CUL4A: variants seen among roughly 807,000 people sequenced by gnomAD.
The protein encoded by CUL4A is cullin 4A, also known as cullin-4A.
A neutral mutation model predicts 95.5 loss-of-function variants in CUL4A; 16 were observed. The ratio of observed to expected loss-of-function variants is 0.17; its 90% CI spans 0.11 to 0.25. CUL4A has a LOEUF of 0.25. Among genes scored for constraint, CUL4A ranks in the 10% least tolerant of loss-of-function variants. The pLI, the probability that CUL4A is intolerant of heterozygous loss-of-function variation, is 1.00. For synonymous variants in CUL4A, 380 were observed against 353.1 expected, an observed-to-expected ratio of 1.08 and a Z score of -0.85; for missense variants, 610 against 937.0, an observed-to-expected ratio of 0.65 and a Z score of 4.56.
At chr13:113,216,687 C>CA (rs2040706255) in intron 2 of CUL4A, among the ~76,000 whole-genome samples, 2 of 152,188 alleles carry the variant, frequency 1.3e-5, no homozygotes, top group South Asian at 2.1e-4. Context: ...TTCTAAATCT[C>CA]AAAGTATGAT....
chr13:113,249,276 A>G (rs1281457998), intron 15 of CUL4A, among the ~76,000 whole-genome samples: 1 of 150,598 alleles, frequency 6.6e-6, no homozygotes, highest in Non-Finnish European at 1.5e-5. Flanking sequence ...TATTCCATCC[A>G]TGCTGTACCA....
At chr13:113,256,925 C>CTTTTTTT (rs1491171316) in intron 18 of CUL4A, among the ~76,000 whole-genome samples, 3 of 37,272 alleles carry the variant, frequency 8.0e-5, no homozygotes, top group East Asian at 1.1e-3. Flanking sequence ...TTTTTTTTTT[C>CTTTTTTT]GTTTTTTTTT....
intron 3 of CUL4A, among the ~76,000 whole-genome samples, chr13:113,223,997 A>G (rs971474771): frequency 4.6e-5 from 7 of 152,106 alleles, no homozygotes; most frequent in African/African-American, 1.7e-4. Flanking sequence ...CAGAACCCAC[A>G]CCACATGCTG....
rs1350340419 is a variant in CUL4A at position 113,255,092 on chromosome 13, A to G, written c.1998A>G (p.Arg666=). Residue 666 remains arginine (R), a synonymous_variant, in exon 18 of 20, where the codon AGA becomes AGG. Transcript: ENST00000375440. ...GAGAGTTCAAGCACAAGTTGTTTAG[A>G]ATAAAGATCAATCAAATTCAGATGA... ...FNGEFKHKLF[R]IKINQIQMKE... 5 of 1,613,102 alleles carry G rather than the reference A, an allele frequency of 3.1e-6. No homozygotes were observed. Among genetic ancestry groups the G allele is most frequent in the Non-Finnish European group, 3.4e-6 (4 of 1,179,348 alleles).
chr13:113,239,328 T>C, intron 9 of CUL4A, 105 bp from the exon 10 acceptor site: 2 of 981,702 alleles, frequency 2.0e-6, no homozygotes, highest in East Asian at 2.4e-5. Context: ...CCCGCCCAAT[T>C]TCTAAGCGGT....
chr13:113,225,087 A>G (rs1460765920), intron 3 of CUL4A, among the ~76,000 whole-genome samples: 1 of 151,968 alleles, frequency 6.6e-6, no homozygotes, highest in African/African-American at 2.4e-5. Context: ...TCTATGGTGT[A>G]AGCATTTCTG....
chr13:113,232,435 A>ACCT (rs2041388070), intron 5 of CUL4A, among the ~76,000 whole-genome samples: 1 of 151,396 alleles, frequency 6.6e-6, no homozygotes, highest in African/African-American at 2.4e-5. Context: ...TGCCACCACC[A>ACCT]GCACCACTCC....
At chr13:113,236,118 G>A (rs1335040626) in intron 8 of CUL4A, among the ~76,000 whole-genome samples, 1 of 152,186 alleles carries the variant, frequency 6.6e-6, no homozygotes, top group Non-Finnish European at 1.5e-5. Context: ...TGCAGAACTG[G>A]ACTCAGTAAG....
chr13:113,218,898 A>G (rs781705519), intron 2 of CUL4A, 47 bp from the exon 3 acceptor site: 12 of 1,353,118 alleles, frequency 8.9e-6, no homozygotes, highest in Non-Finnish European at 4.2e-6. Context: ...TTTATGAACC[A>G]ATCTGTTGTT....
chr13:113,265,799 A>G lies in CUL4A; in HGVS notation c.*2217A>G, dbSNP rs1199559328. 6.6e-6 allele frequency: 1 copy of G among 152,244 alleles called. No homozygotes were observed. The highest frequency in any genetic ancestry group is 2.4e-5 in the African/African-American group (1 of 41,470). 9.4% of individuals were successfully genotyped at this position (152,244 alleles called of 1,614,324 possible). A position where few individuals can be genotyped will look rare whatever the true frequency, so the allele number is the denominator to read the frequency against. ...CAGTGTGGTAAAACAAATAGTATAGAAGAAATCATTGAAAAAGAAACAGCA... is the reference window on the plus strand; with the variant it reads ...CAGTGTGGTAAAACAAATAGTATAGGAGAAATCATTGAAAAAGAAACAGCA... On this transcript the variant is annotated 3_prime_UTR_variant, in exon 20 of 20. Coordinates refer to ENST00000375440, the MANE Select transcript of CUL4A (RefSeq NM_001008895.4).
At chr13:113,250,363 G>A (rs1307207212) in intron 15 of CUL4A, among the ~76,000 whole-genome samples, 1 of 152,144 alleles carries the variant, frequency 6.6e-6, no homozygotes, top group Admixed American at 6.5e-5. Flanking sequence ...GAGGTGGCAG[G>A]ATTGCCTGAG....
chr13:113,235,874 G>A (rs553763312), intron 8 of CUL4A, among the ~76,000 whole-genome samples: 3 of 152,176 alleles, frequency 2.0e-5, no homozygotes, highest in East Asian at 1.9e-4. Context: ...GGGAGGCTGA[G>A]GCAGGAGAAT....
At chr13:113,250,412 G>A (rs972296744) in intron 15 of CUL4A, among the ~76,000 whole-genome samples, 1 of 152,078 alleles carries the variant, frequency 6.6e-6, no homozygotes, top group African/African-American at 2.4e-5. Context: ...TGATGGAGCC[G>A]CTGTACTCCA....
At chr13:113,261,856 CTG>C (rs2042288058) in intron 19 of CUL4A, among the ~76,000 whole-genome samples, 2 of 152,168 alleles carry the variant, frequency 1.3e-5, no homozygotes, top group African/African-American at 4.8e-5. Flanking sequence ...TCTCGGCTCA[CTG>C]TAACCTCTGC....
chr13:113,236,880 T>C lies in CUL4A; in HGVS notation c.906T>C (p.Ile302=), dbSNP rs772120052. 1 of 1,610,180 alleles carries C rather than the reference T, an allele frequency of 6.2e-7. No homozygotes were observed. The highest frequency in any genetic ancestry group is 8.5e-7 in the Non-Finnish European group (1 of 1,177,188). ...KQLLGEHLTA[I]LQKGLDHLLD... Reference sequence around the variant, plus strand: ...TATTAGGAGAACATTTAACAGCAATTCTGCAGAAAGGTAGATTTCCTAACT... The same window carrying C: ...TATTAGGAGAACATTTAACAGCAATCCTGCAGAAAGGTAGATTTCCTAACT... Residue 302 remains isoleucine (I), a synonymous_variant, in exon 9 of 20, where the codon ATT becomes ATC. Transcript: ENST00000375440.
At chr13:113,260,211 A>AAAAAAAAAAAAAAAAAAAAAAC (rs1197388632) in intron 18 of CUL4A, among the ~76,000 whole-genome samples, 1 of 119,510 alleles carries the variant, frequency 8.4e-6, no homozygotes, top group African/African-American at 3.6e-5. Context: ...CTCAAAAAAA[A>AAAAAAAAAAAAAAAAAAAAAAC]AAAAAAAACC....
At position 113,242,986 on chromosome 13, in the gene CUL4A, G is replaced by A. The variant is rs1482110124; in HGVS notation, c.1054G>A (p.Val352Ile). 7 of 1,606,898 alleles carry A rather than the reference G, an allele frequency of 4.4e-6. No individual in the cohort carries two copies. Among genetic ancestry groups the A allele is most frequent in the African/African-American group, 2.7e-5 (2 of 74,776 alleles). ...EYIKTFGTAIVINPEKDKDMV... is the reference protein window; with the variant it reads ...EYIKTFGTAIIINPEKDKDMV... ...TTTGTAGACTTTTGGAACAGCGATC[G>A]TAATCAATCCTGAGAAAGACAAAGA... is the stretch of plus-strand genomic sequence containing the variant. The change falls in exon 11 of 20, where the codon GTA (valine) becomes ATA (isoleucine). Residue 352 changes from valine (V) to isoleucine (I), a missense_variant. By Grantham distance (29) the Val-to-Ile change is conservative. Transcript: ENST00000375440.
At chr13:113,211,441 A>G (rs563238507) in intron 2 of CUL4A, among the ~76,000 whole-genome samples, 80 of 152,294 alleles carry the variant, frequency 5.3e-4, no homozygotes, top group African/African-American at 1.9e-3. Flanking sequence ...CTGGAGTGCC[A>G]TGGCACGATC....
In CUL4A at chr13:113,266,013, G is replaced by A. The variant is rs924866118; in HGVS notation, c.*2431G>A. On this transcript the variant is annotated 3_prime_UTR_variant, in exon 20 of 20. Coordinates refer to ENST00000375440, the MANE Select transcript of CUL4A (RefSeq NM_001008895.4). ...CCTATAAATATAGGCTATAATGGAG[G>A]GTCATTTTTTATTTTTATTTAGAGA... 3 of 151,968 alleles carry A rather than the reference G, an allele frequency of 2.0e-5. No homozygotes were observed. The highest frequency in any genetic ancestry group is 1.3e-4 in the Admixed American group (2 of 15,254). The allele number at this position is 151,968 out of a possible 1,614,324, so 9.4% of individuals were successfully genotyped here.
Sources: allele counts gnomAD v4.1 joint callset (sites outside exome capture counted in the v4.1 genomes callset), GRCh38; gene constraint gnomAD v4.1.1; transcripts MANE v1.5; gene names NCBI Gene and HGNC (gene_info 2026-07-23, HGNC 2026-07-21).